Variants in ATP2B1 observed in about 807,000 individuals in gnomAD.
ATP2B1 encodes the protein ATPase plasma membrane Ca2+ transporting 1, also known as plasma membrane calcium-transporting ATPase 1.
In ATP2B1, 14 loss-of-function variants were observed where a neutral mutation model predicts 124.2. The observed-to-expected ratio is 0.11, with a 90% CI of 0.07 to 0.18. The LOEUF is 0.18. Ranked by LOEUF, ATP2B1 falls within the 10% of genes least tolerant of loss-of-function variation. The pLI, the probability that ATP2B1 is intolerant of heterozygous loss-of-function variation, is 1.00. For missense variants in ATP2B1, 763 were observed against 1,466.1 expected (o/e 0.52, Z 7.83); for synonymous variants, 449 against 492.4 (o/e 0.91, Z 1.17).
chr12:89,689,097 T>C (rs972731354), intron 1 of ATP2B1, among the ~76,000 whole-genome samples: 1 of 152,088 alleles, frequency 6.6e-6, no homozygotes, highest in African/African-American at 2.4e-5. Flanking sequence ...ACAGATGCTC[T>C]TTAGACGTTG....
intron 1 of ATP2B1, among the ~76,000 whole-genome samples, chr12:89,701,988 C>T (rs1891911390): frequency 6.6e-6 from 1 of 152,212 alleles, no homozygotes; most frequent in South Asian, 2.1e-4. Context: ...CTCCAGGAAA[C>T]ACAATTCATT....
At chr12:89,635,333 T>C (rs1882527088) in intron 3 of ATP2B1, 82 bp from the exon 4 acceptor site, 1 of 1,440,706 alleles carries the variant, frequency 6.9e-7, no homozygotes, top group Non-Finnish European at 9.3e-7. Context: ...AATCATATTT[T>C]TGTGTTAATT....
chr12:89,600,557 C>T (rs547400526), intron 19 of ATP2B1, among the ~76,000 whole-genome samples: 7 of 151,988 alleles, frequency 4.6e-5, no homozygotes, highest in African/African-American at 1.7e-4. Context: ...ACCCCTTTTT[C>T]CAGGTAACAT....
At chr12:89,592,451 G>A (rs1308271857) in intron 20 of ATP2B1, among the ~76,000 whole-genome samples, 5 of 152,010 alleles carry the variant, frequency 3.3e-5, no homozygotes, top group African/African-American at 1.2e-4. Context: ...ATGAACATGT[G>A]AATGTGTTTA....
Position 89,634,758 on chromosome 12 carries a change from G to C in ATP2B1, c.787+20C>G. On this transcript the variant is annotated intron_variant, in intron 5 of 20. Transcript: ENST00000428670. The stretch of plus-strand genomic sequence containing the variant: ...GTTGCGAAAGAGGAAAGTGTTCAAA[G>C]ATATAAATGAAATTTTTACCTGATA... 2 of 1,565,636 alleles carry C rather than the reference G, an allele frequency of 1.3e-6. No homozygotes were observed. Among genetic ancestry groups the C allele is most frequent in the South Asian group, 1.2e-5 (1 of 83,776 alleles).
At chr12:89,650,577 C>T (rs774397270) in intron 2 of ATP2B1, among the ~76,000 whole-genome samples, 45 of 152,312 alleles carry the variant, frequency 3.0e-4, no homozygotes, top group Middle Eastern at 3.4e-3. Flanking sequence ...CAGCAACCAC[C>T]ACTTAAAAGC....
In ATP2B1 at chr12:89,686,288, C is replaced by G. The variant is rs78250744; in HGVS notation, c.-222+22308G>C. Reference sequence around the variant, plus strand: ...AGCTTAAGCTGTTAGAAATGTATTTCCAAGTACTAAATAATGCAGTTCCAA... The same window carrying G: ...AGCTTAAGCTGTTAGAAATGTATTTGCAAGTACTAAATAATGCAGTTCCAA... On this transcript the variant is annotated intron_variant, in intron 1 of 20. Transcript: ENST00000428670. 8.1e-3 allele frequency among the ~76,000 whole-genome samples: 1,236 copies of G among 152,084 alleles called. 15 individuals carry two copies. Among genetic ancestry groups the G allele is most frequent in the African/African-American group, 0.029 (1,185 of 41,514 alleles).
At chr12:89,596,085 T>G (rs747248909) in intron 20 of ATP2B1, among the ~76,000 whole-genome samples, 1 of 152,100 alleles carries the variant, frequency 6.6e-6, no homozygotes, top group Non-Finnish European at 1.5e-5. Flanking sequence ...CTTAAAAGTT[T>G]ATGATTGCTT....
intron 1 of ATP2B1, among the ~76,000 whole-genome samples, chr12:89,673,754 A>G (rs961436561): frequency 3.3e-5 from 5 of 152,202 alleles, no homozygotes. Flanking sequence ...GGTCTTATAC[A>G]TATCAGCTAT....
At chr12:89,640,344 T>G (rs1011680348) in intron 3 of ATP2B1, among the ~76,000 whole-genome samples, 1 of 152,188 alleles carries the variant, frequency 6.6e-6, no homozygotes, top group Non-Finnish European at 1.5e-5. Context: ...TCTATAGTGA[T>G]TTTCAACCAG....
chr12:89,613,652 T>C (rs1878442133), intron 12 of ATP2B1, among the ~76,000 whole-genome samples: 2 of 152,194 alleles, frequency 1.3e-5, no homozygotes, highest in Non-Finnish European at 2.9e-5. Flanking sequence ...CAGTCCTTGA[T>C]TAGGTAGTAT....
intron 13 of ATP2B1, 146 bp from the exon 14 acceptor site, chr12:89,610,654 T>C: frequency 1.5e-6 from 1 of 661,782 alleles, no homozygotes; most frequent in Non-Finnish European, 2.6e-6. Context: ...ACGTGAATTC[T>C]TGGGCATGGA....
intron 1 of ATP2B1, among the ~76,000 whole-genome samples, chr12:89,657,275 T>C (rs1443746898): frequency 6.6e-6 from 1 of 152,226 alleles, no homozygotes; most frequent in African/African-American, 2.4e-5. Context: ...TTCAAGTTCC[T>C]CTATGCAAAT....
chr12:89,664,894 C>G (rs1010503816), intron 1 of ATP2B1, among the ~76,000 whole-genome samples: 15 of 150,498 alleles, frequency 1.0e-4, no homozygotes, highest in African/African-American at 3.4e-4. Flanking sequence ...TGTTGCCAGG[C>G]TGGAGTGCAG....
intron 8 of ATP2B1, among the ~76,000 whole-genome samples, chr12:89,626,209 T>C (rs975867003): frequency 1.3e-5 from 2 of 152,214 alleles, no homozygotes; most frequent in African/African-American, 2.4e-5. Context: ...AATTCAGAGA[T>C]GAGTGCACAG....
In ATP2B1 at chr12:89,590,692, CTAA is replaced by C. The variant is rs1667411061; in HGVS notation, c.*289_*291del. ...AGGACTGAGATAAACTAAAGCTCTG[CTAA>C]TACACTGTTCAGGACCATGCTTGGG... On this transcript the variant is annotated 3_prime_UTR_variant, in exon 21 of 21. Coordinates refer to ENST00000428670, the MANE Select transcript of ATP2B1 (RefSeq NM_001366521.1). 1 of 265,294 alleles carries C rather than the reference CTAA, an allele frequency of 3.8e-6. No individual in the cohort carries two copies. The highest frequency in any genetic ancestry group is 7.2e-6 in the Non-Finnish European group (1 of 138,054). 16.4% of individuals were successfully genotyped at this position (265,294 alleles called of 1,614,324 possible). A position where few individuals can be genotyped will look rare whatever the true frequency, so the allele number is the denominator to read the frequency against.
chr12:89,702,829 T>C (rs1422552887), intron 1 of ATP2B1, among the ~76,000 whole-genome samples: 1 of 152,172 alleles, frequency 6.6e-6, no homozygotes, highest in Non-Finnish European at 1.5e-5. Context: ...TCACTGTACT[T>C]AGAAATACCA....
chr12:89,677,973 C>CATATAT (rs1443431391), intron 1 of ATP2B1, among the ~76,000 whole-genome samples: 1 of 44,696 alleles, frequency 2.2e-5, no homozygotes, highest in Middle Eastern at 0.01. Context: ...TATATATATA[C>CATATAT]ACACACACAC....
At position 89,591,263 on chromosome 12, in the gene ATP2B1, T is replaced by C. The variant is rs750107374; in HGVS notation, c.3384A>G (p.Leu1128=). 2.5e-6 allele frequency: 4 copies of C among 1,611,650 alleles called. No individual in the cohort carries two copies. The highest frequency in any genetic ancestry group is 2.2e-5 in the South Asian group (2 of 91,032). ...IRVVNAFRSS[L]YEGLEKPESR... The stretch of plus-strand genomic sequence containing the variant: ...ATTCCGGTTTTTCTAACCCTTCATA[T>C]AAAGAACTACGAAATGCATTCACCA... Residue 1128 remains leucine (L), a synonymous_variant, in exon 21 of 21, where the codon TTA becomes TTG. Transcript: ENST00000428670.
Sources: allele counts gnomAD v4.1 joint callset (sites outside exome capture counted in the v4.1 genomes callset), GRCh38; gene constraint gnomAD v4.1.1; transcripts MANE v1.5; gene names NCBI Gene and HGNC (gene_info 2026-07-23, HGNC 2026-07-21).